Variants in TAF2 observed in about 807,000 individuals in gnomAD.
TAF2 encodes TATA-box binding protein associated factor 2.
TAF2 carries 61 observed loss-of-function variants against 138.5 expected under a neutral mutation model. The ratio of observed to expected loss-of-function variants is 0.44; its 90% CI spans 0.36 to 0.54. The LOEUF is 0.54. Among genes scored for constraint, TAF2 ranks in the 20% least tolerant of loss-of-function variants. TAF2 has a pLI of 0.00. For synonymous variants in TAF2, 475 were observed against 469.9 expected (o/e 1.01, Z -0.14); for missense variants, 1,090 against 1,427.9 (o/e 0.76, Z 3.81).
chr8:119,804,771 A>G (rs1824503949), intron 4 of TAF2, among the ~76,000 whole-genome samples: 1 of 152,140 alleles, frequency 6.6e-6, no homozygotes, highest in African/African-American at 2.4e-5. Flanking sequence ...TTCTCTTATT[A>G]TATTATCCCA....
At chr8:119,781,226 T>C (rs1460736616) in intron 16 of TAF2, 33 bp from the exon 17 acceptor site, 1 of 1,612,816 alleles carries the variant, frequency 6.2e-7, no homozygotes, top group Non-Finnish European at 8.5e-7. Context: ...GTAATTTCCA[T>C]TACCAATGCA....
Position 119,732,173 on chromosome 8 carries a change from T to C in TAF2, c.3351A>G (p.Ala1117=). 6.2e-7 allele frequency: 1 copy of C among 1,614,140 alleles called. No individual in the cohort carries two copies. Among genetic ancestry groups the C allele is most frequent in the Non-Finnish European group, 8.5e-7 (1 of 1,180,010 alleles). ...CTGGATGCATACTCATCTCCAAAGG[T>C]GCTTGTTCTTTACCTTCAAGATTAA... The part of the protein sequence containing the change: ...LARKGTGKEQ[A]PLEMSMHPAA... Residue 1117 remains alanine (A), a synonymous_variant, in exon 26 of 26, where the codon GCA becomes GCG. Coordinates refer to ENST00000378164, the MANE Select transcript of TAF2 (RefSeq NM_003184.4).
chr8:119,811,738 G>A (rs866719341), intron 3 of TAF2, among the ~76,000 whole-genome samples: 4 of 149,602 alleles, frequency 2.7e-5, no homozygotes, highest in Non-Finnish European at 5.9e-5. Context: ...CCCAAGAGGC[G>A]GAGCTTGCAG....
chr8:119,790,244 T>A (rs1823323096), intron 11 of TAF2, among the ~76,000 whole-genome samples: 1 of 152,144 alleles, frequency 6.6e-6, no homozygotes, highest in South Asian at 2.1e-4. Context: ...GAGATCAGAC[T>A]GGGCAACATA....
intron 20 of TAF2, chr8:119,760,374 A>C (rs1404038764): frequency 2.1e-6 from 1 of 465,682 alleles, no homozygotes; most frequent in Non-Finnish European, 3.8e-6. Context: ...ATGAAAACTG[A>C]CTTCTTGGAA....
Position 119,746,743 on chromosome 8 carries a change from G to C in TAF2, c.3070C>G (p.Pro1024Ala), listed in dbSNP as rs142735640. The change falls in exon 23 of 26, where the codon CCA becomes GCA. Residue 1024 changes from proline to alanine, a missense_variant. Pro to Ala is a conservative substitution (Grantham distance 27). Around this residue, in one of 3 missense-constraint regions of TAF2, gnomAD observed 580 missense variants for 719.6 expected, o/e 0.81. Coordinates refer to ENST00000378164, the MANE Select transcript of TAF2 (RefSeq NM_003184.4). ...VAGNQEAANN[P>A]SSHPQLVGFQ... is the part of the protein sequence containing the mutation. ...CCAACTAGCTGTGGGTGACTGCTTG[G>C]ATTATTTGCAGCTTCTTGGTTGCCT... The C allele has an allele frequency of 5.0e-4, 811 of 1,614,104 alleles. 6 individuals carry two copies. The South Asian group carries it at 6.5e-3, about 13-fold the overall frequency.
chr8:119,832,102 T>C (rs1826487981), intron 1 of TAF2, among the ~76,000 whole-genome samples: 1 of 151,806 alleles, frequency 6.6e-6, no homozygotes, highest in Non-Finnish European at 1.5e-5. Context: ...GAGGCTGCAG[T>C]GAGCCGAGAT....
chr8:119,773,149 TAGG>T (rs1821971211), intron 18 of TAF2, among the ~76,000 whole-genome samples: 1 of 149,232 alleles, frequency 6.7e-6, no homozygotes, highest in African/African-American at 2.4e-5. Flanking sequence ...TTTAAAAAGA[TAGG>T]AGAAGAAATA....
chr8:119,738,529 T>C (rs963024617), intron 25 of TAF2, among the ~76,000 whole-genome samples: 1 of 152,166 alleles, frequency 6.6e-6, no homozygotes, highest in Non-Finnish European at 1.5e-5. Context: ...AGAAAGGAGA[T>C]ACATTTAATT....
intron 2 of TAF2, among the ~76,000 whole-genome samples, chr8:119,821,037 T>C (rs1825776042): frequency 6.6e-6 from 1 of 151,988 alleles, no homozygotes; most frequent in Non-Finnish European, 1.5e-5. Flanking sequence ...AAAGAAGTAC[T>C]GTCAACTGCT....
At chr8:119,825,407 G>A (rs1287220863) in intron 2 of TAF2, among the ~76,000 whole-genome samples, 1 of 152,212 alleles carries the variant, frequency 6.6e-6, no homozygotes, top group African/African-American at 2.4e-5. Flanking sequence ...CCTTGTCTCT[G>A]ATGAGACTTA....
intron 2 of TAF2, among the ~76,000 whole-genome samples, chr8:119,828,675 G>C (rs1586559223): frequency 6.6e-6 from 1 of 152,170 alleles, no homozygotes; most frequent in Admixed American, 6.5e-5. Context: ...AAGGGAAGCA[G>C]GGACTGTTAC....
chr8:119,748,870 C>T lies in TAF2; in HGVS notation c.2879-1936G>A, dbSNP rs372914971. On this transcript the variant is annotated intron_variant, in intron 22 of 25. Coordinates refer to ENST00000378164, the MANE Select transcript of TAF2 (RefSeq NM_003184.4). ...AGCAGCTGGCCCTGTATCTCTCTATCCATGGGTATAGCAAGAAAAGGAGTG... is the reference window on the plus strand; with the variant it reads ...AGCAGCTGGCCCTGTATCTCTCTATTCATGGGTATAGCAAGAAAAGGAGTG... Among the ~76,000 whole-genome samples, 5 of 151,798 alleles carry T rather than the reference C, an allele frequency of 3.3e-5. No homozygotes were observed. In the South Asian group the frequency reaches 1.0e-3, roughly 32 times the overall value.
chr8:119,785,846 A>G (rs896538369), intron 14 of TAF2, among the ~76,000 whole-genome samples: 3 of 152,218 alleles, frequency 2.0e-5, no homozygotes, highest in Non-Finnish European at 2.9e-5. Context: ...CTCATACCAA[A>G]GAATACTCCA....
intron 25 of TAF2, among the ~76,000 whole-genome samples, chr8:119,738,179 G>C (rs1453689942): frequency 6.6e-6 from 1 of 151,184 alleles, no homozygotes; most frequent in Non-Finnish European, 1.5e-5. Context: ...ATATATGTAC[G>C]TATGTATGTT....
intron 6 of TAF2, among the ~76,000 whole-genome samples, chr8:119,800,416 C>A (rs1158423870): frequency 2.0e-5 from 3 of 152,120 alleles, no homozygotes; most frequent in Admixed American, 6.5e-5. Context: ...TTCCCCATTT[C>A]TTGTTTTTAT....
intron 3 of TAF2, among the ~76,000 whole-genome samples, chr8:119,811,354 TA>T (rs1049332294): frequency 1.3e-5 from 2 of 151,258 alleles, no homozygotes; most frequent in Admixed American, 6.6e-5. Flanking sequence ...TCCCTCTATT[TA>T]AAAAATTTTT....
At position 119,746,895 on chromosome 8, in the gene TAF2, T is replaced by TCCACAGCA; in HGVS notation, c.2910_2917dup (p.Asp973ValfsTer29). ...GAGGCCAAAAAGTGTGAAGTACAAG[T>TCCACAGCA]CCACAGCACCACACCGTAACCTCCA... On this transcript the variant is annotated frameshift_variant, in exon 23 of 26. Coordinates refer to ENST00000378164, the MANE Select transcript of TAF2 (RefSeq NM_003184.4). LOFTEE classifies it high-confidence loss of function. 1 of 1,614,058 alleles carries TCCACAGCA rather than the reference T, an allele frequency of 6.2e-7. No individual in the cohort carries two copies. The highest frequency in any genetic ancestry group is 1.1e-5 in the South Asian group (1 of 91,060).
At chr8:119,797,559 G>A (rs547192042) in intron 7 of TAF2, 103 bp downstream of exon 7, 36 of 1,225,324 alleles carry the variant, frequency 2.9e-5, no homozygotes, top group Middle Eastern at 1.9e-4. Context: ...TCCAAATTGC[G>A]GAAAAAAGTT....
Sources: gnomAD v4.1 joint callset for allele counts (sites outside exome capture counted in the v4.1 genomes callset) on GRCh38, gnomAD v4.1.1 for gene constraint, gnomAD v4.1.1 regional missense constraint, MANE v1.5 for transcripts, NCBI Gene and HGNC (gene_info 2026-07-23, HGNC 2026-07-21) for gene names.